Variants in PDS5B observed in about 807,000 individuals in gnomAD.
PDS5B encodes the protein PDS5 cohesin associated factor B.
PDS5B carries 51 observed loss-of-function variants against 184.1 expected under a neutral mutation model. The ratio of observed to expected loss-of-function variants is 0.28; its 90% confidence interval spans 0.22 to 0.35. The LOEUF (loss-of-function observed/expected upper bound fraction) is 0.35. Ranked by LOEUF, PDS5B falls within the 10% of genes least tolerant of loss-of-function variation. The pLI is 1.00. For missense variants in PDS5B, 1,180 were observed against 1,723.3 expected, an observed-to-expected ratio of 0.68 and a Z score of 5.58; for synonymous variants, 566 against 569.2, an observed-to-expected ratio of 0.99 and a Z score of 0.08.
chr13:32,607,453 A>AG (rs772540095), intron 1 of PDS5B, among the ~76,000 whole-genome samples: 18 of 152,166 alleles, frequency 1.2e-4, no homozygotes, highest in Non-Finnish European at 2.2e-4. Context: ...TGGCTGTATG[A>AG]GGTGTCAGTC....
intron 1 of PDS5B, among the ~76,000 whole-genome samples, chr13:32,596,091 C>T (rs112978617): frequency 9.9e-5 from 15 of 152,036 alleles, no homozygotes; most frequent in Non-Finnish European, 1.9e-4. Flanking sequence ...AATTAAAATA[C>T]AGTAAAATGT....
intron 13 of PDS5B, among the ~76,000 whole-genome samples, chr13:32,693,653 T>C (rs1951616904): frequency 6.7e-6 from 1 of 149,874 alleles, no homozygotes. Context: ...AATTATTCTC[T>C]ATATGTTAAT....
chr13:32,689,882 C>A (rs1417789428), intron 13 of PDS5B: 1 of 151,904 alleles, frequency 6.6e-6, no homozygotes, highest in Non-Finnish European at 1.5e-5. Context: ...GTATTTATAT[C>A]ATATTTGAAA....
chr13:32,590,064 T>C (rs916844478), intron 1 of PDS5B, among the ~76,000 whole-genome samples: 4 of 152,214 alleles, frequency 2.6e-5, no homozygotes, highest in Admixed American at 6.5e-5. Flanking sequence ...AATTTATTTG[T>C]TCAAATCTTA....
At chr13:32,662,102 C>A (rs77633632) in intron 6 of PDS5B, among the ~76,000 whole-genome samples, 1 of 152,196 alleles carries the variant, frequency 6.6e-6, no homozygotes, top group East Asian at 1.9e-4. Flanking sequence ...ACAAATAAAA[C>A]ACACTCACAA....
At chr13:32,745,844 G>T in intron 23 of PDS5B, 133 bp from the exon 24 acceptor site, 1 of 689,474 alleles carries the variant, frequency 1.5e-6, no homozygotes, top group South Asian at 1.9e-5. Context: ...AATTTTGGGG[G>T]ACACAAACAT....
At chr13:32,698,294 A>G (rs1239815713) in intron 15 of PDS5B, among the ~76,000 whole-genome samples, 1 of 151,840 alleles carries the variant, frequency 6.6e-6, no homozygotes, top group Non-Finnish European at 1.5e-5. Flanking sequence ...ATGCCCATCC[A>G]TTATGAAGGG....
At chr13:32,596,153 C>A (rs1189657263) in intron 1 of PDS5B, among the ~76,000 whole-genome samples, 1 of 152,070 alleles carries the variant, frequency 6.6e-6, no homozygotes, top group Non-Finnish European at 1.5e-5. Flanking sequence ...ACACATGTAA[C>A]CAATAACCAC....
At chr13:32,588,571 T>G (rs1261874648) in intron 1 of PDS5B, among the ~76,000 whole-genome samples, 3 of 152,226 alleles carry the variant, frequency 2.0e-5, no homozygotes, top group Admixed American at 2.0e-4. Flanking sequence ...TCTTTTCTCC[T>G]TGTTTCGGTT....
chr13:32,763,084 G>T (rs1954464880), intron 30 of PDS5B, among the ~76,000 whole-genome samples: 1 of 151,996 alleles, frequency 6.6e-6, no homozygotes, highest in African/African-American at 2.4e-5. Context: ...CTGTTTAGTG[G>T]GACTGTTTGC....
intron 11 of PDS5B, among the ~76,000 whole-genome samples, chr13:32,684,945 C>T (rs1951343689): frequency 1.3e-5 from 2 of 152,140 alleles, no homozygotes; most frequent in East Asian, 3.9e-4. Context: ...AATCCCGTCT[C>T]TACTAAAAAT....
At chr13:32,726,382 TAC>T (rs1230208045) in intron 19 of PDS5B, among the ~76,000 whole-genome samples, 1 of 152,348 alleles carries the variant, frequency 6.6e-6, no homozygotes, top group East Asian at 1.9e-4. Context: ...TTTTCAGTAT[TAC>T]AGTCTTTCAG....
intron 1 of PDS5B, among the ~76,000 whole-genome samples, chr13:32,599,633 G>A (rs913266278): frequency 8.6e-5 from 13 of 151,670 alleles, no homozygotes; most frequent in Non-Finnish European, 1.5e-5. Context: ...AAAAAATACC[G>A]GCCGGGCGCG....
intron 24 of PDS5B, 83 bp downstream of exon 24, chr13:32,746,183 A>C: frequency 8.7e-7 from 1 of 1,154,636 alleles, no homozygotes; most frequent in Non-Finnish European, 1.2e-6. Context: ...TACATAGATT[A>C]AAATCTTGAA....
Position 32,735,322 on chromosome 13 carries a change from A to C in PDS5B, c.2398A>C (p.Asn800His). 1 of 1,604,524 alleles carries C rather than the reference A, an allele frequency of 6.2e-7. No individual in the cohort carries two copies. The highest frequency in any genetic ancestry group is 8.5e-7 in the Non-Finnish European group (1 of 1,175,042). Reference sequence around the variant, plus strand: ...TTTCATTGTGAAAGATCTTCTCATGAATGATCGGGTAATTTATATTTTTTA... The same window carrying C: ...TTTCATTGTGAAAGATCTTCTCATGCATGATCGGGTAATTTATATTTTTTA... ...ATFIVKDLLM[N>H]DRLPGKKTTK... Residue 800 changes from asparagine (N) to histidine (H), a missense_variant, in exon 21 of 35, where the codon AAT (asparagine) becomes CAT (histidine). Asn to His is a moderately conservative substitution (Grantham distance 68, BLOSUM62 1). Coordinates refer to ENST00000315596, the MANE Select transcript of PDS5B (RefSeq NM_015032.4).
At chr13:32,641,889 C>T (rs1434243899) in intron 1 of PDS5B, among the ~76,000 whole-genome samples, 4 of 152,188 alleles carry the variant, frequency 2.6e-5, no homozygotes, top group African/African-American at 9.7e-5. Context: ...TAATCTCTCT[C>T]TCTGGGTTTT....
At position 32,777,930 on chromosome 13, in the gene PDS5B, CA is replaced by C. The variant is rs1286488486; in HGVS notation, c.*2879del. The C allele has an allele frequency of 1.3e-5, 2 of 152,354 alleles. No homozygotes were observed. The highest frequency in any genetic ancestry group is 6.6e-5 in the Admixed American group (1 of 15,260). The allele number at this position is 152,354 out of a possible 1,614,324, so 9.4% of individuals were successfully genotyped here. On this transcript the variant is annotated 3_prime_UTR_variant, in exon 35 of 35. Coordinates refer to ENST00000315596, the MANE Select transcript of PDS5B (RefSeq NM_015032.4). ...TCTCTGCCATCACATAGTATTATGT[CA>C]CCATAATGAACAATTGCTATTTAAA...
intron 13 of PDS5B, among the ~76,000 whole-genome samples, chr13:32,692,656 A>G (rs998218336): frequency 2.0e-5 from 3 of 151,890 alleles, no homozygotes; most frequent in Non-Finnish European, 4.4e-5. Context: ...TCCAGGCTGT[A>G]ACTGGAGTTC....
chr13:32,649,846 TTATC>T (rs2140658231), intron 2 of PDS5B: 1 of 152,300 alleles, frequency 6.6e-6, no homozygotes, highest in African/African-American at 2.4e-5. Context: ...GGTGGATATT[TTATC>T]TAGTTGGGAA....
Sources: gnomAD v4.1 joint callset for allele counts (sites outside exome capture counted in the v4.1 genomes callset) on GRCh38, gnomAD v4.1.1 for gene constraint, MANE v1.5 for transcripts, NCBI Gene and HGNC (gene_info 2026-07-23, HGNC 2026-07-21) for gene names.